The following PCDHA9 variants were observed in gnomAD, a reference collection of about 807,000 sequenced individuals.
The protein encoded by PCDHA9 is protocadherin alpha 9, also known as protocadherin alpha-9.
Under a neutral mutation model 62.0 loss-of-function variants are expected in PCDHA9, and 62 were observed. The observed-to-expected ratio is 1.00, with a 90% CI of 0.81 to 1.23. The LOEUF (loss-of-function observed/expected upper bound fraction) is 1.23. Among genes scored for constraint, PCDHA9 ranks in the 50% most tolerant of loss-of-function variants. The pLI, the probability that PCDHA9 is intolerant of heterozygous loss-of-function variation, is 0.00. For synonymous variants in PCDHA9, 557 were observed against 567.6 expected (o/e 0.98, Z 0.27); for missense variants, 1,205 against 1,249.8 (o/e 0.96, Z 0.54).
At chr5:140,992,332 A>G (rs1554252819) in intron 3 of PCDHA9, among the ~76,000 whole-genome samples, 1 of 152,202 alleles carries the variant, frequency 6.6e-6, no homozygotes, top group African/African-American at 2.4e-5. Context: ...TCTAAGAGCA[A>G]AGATGGAAAT....
At chr5:140,957,134 T>C (rs2095335911) in intron 1 of PCDHA9, among the ~76,000 whole-genome samples, 1 of 152,210 alleles carries the variant, frequency 6.6e-6, no homozygotes, top group Admixed American at 6.5e-5. Flanking sequence ...TACTACACTA[T>C]GAACTAAAAA....
intron 1 of PCDHA9, chr5:140,856,806 A>G: frequency 1.3e-6 from 2 of 1,595,552 alleles, no homozygotes; most frequent in African/African-American, 1.3e-5. Context: ...ATGTATGAAA[A>G]TCAAGTGAAC....
intron 3 of PCDHA9, among the ~76,000 whole-genome samples, chr5:140,986,632 A>T (rs1262339478): frequency 6.6e-6 from 1 of 152,170 alleles, no homozygotes; most frequent in African/African-American, 2.4e-5. Flanking sequence ...AGGCAACAGT[A>T]CATTAGTTTT....
intron 1 of PCDHA9, chr5:140,867,487 T>C (rs1020782942): frequency 1.3e-5 from 2 of 152,026 alleles, no homozygotes; most frequent in African/African-American, 4.8e-5. Context: ...AGAGTAAATA[T>C]GAAAAAAGTA....
intron 1 of PCDHA9, chr5:140,884,214 T>G: frequency 6.2e-7 from 1 of 1,613,446 alleles, no homozygotes; most frequent in African/African-American, 1.3e-5. Context: ...CGCCTTCTGG[T>G]GCTGGTGAAG....
intron 1 of PCDHA9, among the ~76,000 whole-genome samples, chr5:140,886,185 G>A (rs2060887176): frequency 6.6e-6 from 1 of 152,072 alleles, no homozygotes; most frequent in African/African-American, 2.4e-5. Context: ...CCTAATGCTG[G>A]CAAGCAGTAA....
chr5:140,935,057 G>A (rs2090168860), intron 1 of PCDHA9, among the ~76,000 whole-genome samples: 1 of 152,034 alleles, frequency 6.6e-6, no homozygotes, highest in Non-Finnish European at 1.5e-5. Flanking sequence ...ATTACAAGAT[G>A]TTCAGATTAT....
Position 140,856,266 on chromosome 5 carries a change from T to C in PCDHA9, c.2394+5377T>C, listed in dbSNP as rs1581394564. On this transcript the variant is annotated intron_variant, in intron 1 of 3. Coordinates refer to ENST00000532602, the MANE Select transcript of PCDHA9 (RefSeq NM_031857.2). ...GTGGCGTCCAAAAGACACGGGGACC[T>C]TCTGGAGGTAAATCTGCAGAATGGC... 7 of 1,598,200 alleles carry C rather than the reference T, an allele frequency of 4.4e-6. No homozygotes were observed. The East Asian group carries it at 1.6e-4, about 36-fold the overall frequency.
At chr5:140,884,810 G>A in intron 1 of PCDHA9, 1 of 1,150,538 alleles carries the variant, frequency 8.7e-7, no homozygotes, top group Non-Finnish European at 1.2e-6. Context: ...CAACTCTGCT[G>A]TGGACATTAT....
intron 1 of PCDHA9, chr5:140,926,741 A>G (rs572260372): frequency 1.7e-6 from 2 of 1,192,504 alleles, no homozygotes; most frequent in South Asian, 2.4e-5. Flanking sequence ...GGGAGGCGCA[A>G]CGTCGGCGGT....
At chr5:140,874,064 A>T (rs554642692) in intron 1 of PCDHA9, among the ~76,000 whole-genome samples, 17 of 152,334 alleles carry the variant, frequency 1.1e-4, no homozygotes, top group Admixed American at 1.1e-3. Flanking sequence ...AATTTAAATA[A>T]TTAGCCTGAT....
At chr5:140,867,316 T>C (rs1234644689) in intron 1 of PCDHA9, 5 of 152,146 alleles carry the variant, frequency 3.3e-5, no homozygotes, top group African/African-American at 1.2e-4. Context: ...TGTCATCTGG[T>C]CTAATGTTAT....
chr5:140,849,659 C>T lies in PCDHA9; in HGVS notation c.1164C>T (p.Ser388=). 2.5e-6 allele frequency: 4 copies of T among 1,598,722 alleles called. No homozygotes were observed. The highest frequency in any genetic ancestry group is 3.4e-6 in the Non-Finnish European group (4 of 1,168,012). The change falls in exon 1 of 4, where the codon TCC becomes TCT. Residue 388 remains serine, a synonymous_variant. Transcript: ENST00000532602. ...ATGCCAACGGGCAGGTTACCTGCTCCCTGACGCCCCACGTCCCCTTCAAGC... is the reference window on the plus strand; with the variant it reads ...ATGCCAACGGGCAGGTTACCTGCTCTCTGACGCCCCACGTCCCCTTCAAGC... ...DADANGQVTC[S]LTPHVPFKLV... is the part of the protein sequence containing the mutation.
chr5:140,897,964 T>A (rs1554187709), intron 1 of PCDHA9, among the ~76,000 whole-genome samples: 1 of 152,236 alleles, frequency 6.6e-6, no homozygotes, highest in South Asian at 2.1e-4. Flanking sequence ...TTTTCATGTG[T>A]CTTTTGGCTG....
At chr5:140,880,857 A>G (rs1296520788) in intron 1 of PCDHA9, among the ~76,000 whole-genome samples, 1 of 152,234 alleles carries the variant, frequency 6.6e-6, no homozygotes, top group African/African-American at 2.4e-5. Flanking sequence ...ATGTAGTCTA[A>G]TTATGTGAAG....
At chr5:140,892,811 T>C (rs1554185379) in intron 1 of PCDHA9, among the ~76,000 whole-genome samples, 1 of 152,210 alleles carries the variant, frequency 6.6e-6, no homozygotes, top group Non-Finnish European at 1.5e-5. Context: ...TAACCATATT[T>C]ATCCTACAGT....
intron 3 of PCDHA9, among the ~76,000 whole-genome samples, chr5:140,994,980 C>A (rs1311252472): frequency 4.6e-5 from 7 of 151,992 alleles, no homozygotes; most frequent in Admixed American, 1.3e-4. Flanking sequence ...CCATGGAGAC[C>A]CACTAGAAGG....
intron 1 of PCDHA9, among the ~76,000 whole-genome samples, chr5:140,936,879 C>A (rs2091197572): frequency 6.6e-6 from 1 of 152,054 alleles, no homozygotes; most frequent in African/African-American, 2.4e-5. Flanking sequence ...AAAAACCCTG[C>A]TTTGATTTTA....
At chr5:140,992,862 G>A (rs2097531583) in intron 3 of PCDHA9, among the ~76,000 whole-genome samples, 2 of 152,084 alleles carry the variant, frequency 1.3e-5, no homozygotes, top group Non-Finnish European at 2.9e-5. Context: ...TTTCACTCTA[G>A]CTCCCTCCTT....
Sources: gnomAD v4.1 joint callset for allele counts (sites outside exome capture counted in the v4.1 genomes callset) on GRCh38, gnomAD v4.1.1 for gene constraint, MANE v1.5 for transcripts, NCBI Gene and HGNC (gene_info 2026-07-23, HGNC 2026-07-21) for gene names.